LRFN5: variants seen among roughly 807,000 people sequenced by gnomAD.
The protein encoded by LRFN5 is leucine rich repeat and fibronectin type III domain containing 5, also known as leucine-rich repeat and fibronectin type-III domain-containing protein 5.
In LRFN5, 24 loss-of-function variants were observed where a neutral mutation model predicts 45.6. The ratio of observed to expected loss-of-function variants is 0.53; its 90% CI spans 0.38 to 0.74. The LOEUF (loss-of-function observed/expected upper bound fraction) is 0.74, where lower values mean the gene tolerates loss of function less well. LRFN5 is among the 30% of genes least tolerant of loss of function. The pLI, the probability that LRFN5 is intolerant of heterozygous loss-of-function variation, is 0.00. For missense variants in LRFN5, 776 were observed against 861.5 expected, an observed-to-expected ratio of 0.90 and a Z score of 1.24; for synonymous variants, 340 against 313.8, an observed-to-expected ratio of 1.08 and a Z score of -0.88.
chr14:41,707,861 T>G (rs751402115), intron 1 of LRFN5, among the ~76,000 whole-genome samples: 2 of 152,074 alleles, frequency 1.3e-5, no homozygotes, highest in Non-Finnish European at 2.9e-5. Context: ...TATTAACTGT[T>G]AATTCTTTTA....
intron 5 of LRFN5, among the ~76,000 whole-genome samples, chr14:41,900,998 G>C (rs1339539305): frequency 6.6e-6 from 1 of 152,050 alleles, no homozygotes; most frequent in Non-Finnish European, 1.5e-5. Flanking sequence ...TCTAAGCATA[G>C]AGAGTTAAAA....
rs1882910960 is a variant in LRFN5, at chr14:41,703,239, G to A, written c.-196-63615G>A. ...CCCTTTAAATATAGTAATATTTGAT[G>A]ATGGGTTCTAATTTACATAGCATGT... On this transcript the variant is annotated intron_variant, in intron 1 of 5. Coordinates refer to ENST00000298119, the MANE Select transcript of LRFN5 (RefSeq NM_152447.5). Among the ~76,000 whole-genome samples the A allele has an allele frequency of 2.6e-5, 4 of 152,226 alleles. No individual in the cohort carries two copies. In the East Asian group the frequency reaches 5.8e-4, roughly 22 times the overall value.
chr14:41,900,583 C>T (rs933812081), intron 5 of LRFN5, among the ~76,000 whole-genome samples: 1 of 152,052 alleles, frequency 6.6e-6, no homozygotes, highest in African/African-American at 2.4e-5. Flanking sequence ...CTACCTTGTT[C>T]CTCTTTCTAT....
At chr14:41,806,846 G>GTT (rs1356529500) in intron 2 of LRFN5, among the ~76,000 whole-genome samples, 1 of 152,114 alleles carries the variant, frequency 6.6e-6, no homozygotes, top group Non-Finnish European at 1.5e-5. Context: ...CTGCTGGCCT[G>GTT]GACAGCTCCT....
At chr14:41,752,826 A>G (rs1452941026) in intron 1 of LRFN5, among the ~76,000 whole-genome samples, 2 of 152,182 alleles carry the variant, frequency 1.3e-5, no homozygotes, top group Non-Finnish European at 2.9e-5. Flanking sequence ...TGTTTTAGAC[A>G]TGAAGTCCTT....
chr14:41,651,314 A>G (rs952818248), intron 1 of LRFN5, among the ~76,000 whole-genome samples: 1 of 152,148 alleles, frequency 6.6e-6, no homozygotes, highest in African/African-American at 2.4e-5. Flanking sequence ...GTAGTTCTCT[A>G]ACTCTGGAGT....
At chr14:41,703,348 A>C (rs2138729015) in intron 1 of LRFN5, among the ~76,000 whole-genome samples, 1 of 152,248 alleles carries the variant, frequency 6.6e-6, no homozygotes, top group South Asian at 2.1e-4. Context: ...GATTTCTATA[A>C]ACAAACATTG....
intron 2 of LRFN5, among the ~76,000 whole-genome samples, chr14:41,828,658 T>G (rs938064391): frequency 6.6e-6 from 1 of 152,132 alleles, no homozygotes; most frequent in Non-Finnish European, 1.5e-5. Flanking sequence ...AAATAAGTCC[T>G]ATTGATTCTC....
At chr14:41,667,598 G>A (rs765733452) in intron 1 of LRFN5, among the ~76,000 whole-genome samples, 8 of 152,060 alleles carry the variant, frequency 5.3e-5, no homozygotes, top group Admixed American at 1.3e-4. Context: ...TAGTTCTTTG[G>A]TAAGACTCAT....
intron 1 of LRFN5, among the ~76,000 whole-genome samples, chr14:41,717,449 G>A (rs1883538555): frequency 2.0e-5 from 3 of 152,124 alleles, no homozygotes; most frequent in African/African-American, 4.8e-5. Context: ...GTTTTAAATT[G>A]CCACCTACAT....
At chr14:41,814,520 T>C (rs549849083) in intron 2 of LRFN5, among the ~76,000 whole-genome samples, 1 of 152,322 alleles carries the variant, frequency 6.6e-6, no homozygotes, top group South Asian at 2.1e-4. Flanking sequence ...TGAATTTATT[T>C]CTTAAATCAT....
chr14:41,852,018 A>G (rs1467193383), intron 2 of LRFN5, among the ~76,000 whole-genome samples: 1 of 151,838 alleles, frequency 6.6e-6, no homozygotes, highest in Non-Finnish European at 1.5e-5. Flanking sequence ...AACCCACAAC[A>G]TCCTTTTTTG....
intron 2 of LRFN5, among the ~76,000 whole-genome samples, chr14:41,860,718 C>T (rs1313650389): frequency 6.6e-6 from 1 of 152,164 alleles, no homozygotes. Context: ...CATGACTGCC[C>T]TGGTGTTCAG....
At chr14:41,844,362 A>C (rs111324895) in intron 2 of LRFN5, among the ~76,000 whole-genome samples, 44 of 151,242 alleles carry the variant, frequency 2.9e-4, no homozygotes, top group African/African-American at 1.0e-3. Flanking sequence ...GCGTGAACCC[A>C]GGAGGCAGAG....
At chr14:41,743,885 A>G (rs529696967) in intron 1 of LRFN5, among the ~76,000 whole-genome samples, 3 of 152,310 alleles carry the variant, frequency 2.0e-5, no homozygotes, top group Non-Finnish European at 4.4e-5. Context: ...AAATGTACAA[A>G]GATATAATTT....
intron 1 of LRFN5, among the ~76,000 whole-genome samples, chr14:41,698,740 T>A (rs1882717635): frequency 6.6e-6 from 1 of 152,126 alleles, no homozygotes; most frequent in Non-Finnish European, 1.5e-5. Context: ...ATTTTATTTT[T>A]GTATATTTTA....
intron 1 of LRFN5, among the ~76,000 whole-genome samples, chr14:41,647,992 G>A (rs1879898343): frequency 6.6e-6 from 1 of 152,130 alleles, no homozygotes; most frequent in Admixed American, 6.5e-5. Flanking sequence ...AACATTTTGA[G>A]GCAGTATATC....
At chr14:41,757,338 A>G (rs1001899431) in intron 1 of LRFN5, among the ~76,000 whole-genome samples, 2 of 152,196 alleles carry the variant, frequency 1.3e-5, no homozygotes, top group Non-Finnish European at 2.9e-5. Context: ...TTGTTTGGCT[A>G]TGCCCTGCCC....
At chr14:41,738,200 C>A (rs2138812773) in intron 1 of LRFN5, among the ~76,000 whole-genome samples, 1 of 152,256 alleles carries the variant, frequency 6.6e-6, no homozygotes, top group East Asian at 1.9e-4. Context: ...CACACATCTA[C>A]AACCGTCTGA....
Sources: gnomAD v4.1 joint callset for allele counts (sites outside exome capture counted in the v4.1 genomes callset) on GRCh38, gnomAD v4.1.1 for gene constraint, MANE v1.5 for transcripts, NCBI Gene and HGNC (gene_info 2026-07-23, HGNC 2026-07-21) for gene names.